The following DGKB variants were observed in gnomAD, a reference collection of about 807,000 sequenced individuals.
DGKB encodes 90 kDa diacylglycerol kinase.
A neutral mutation model predicts 114.3 loss-of-function variants in DGKB; 67 were observed. The ratio of observed to expected loss-of-function variants is 0.59; its 90% CI spans 0.48 to 0.72. The LOEUF (loss-of-function observed/expected upper bound fraction) is 0.72, where lower values mean the gene tolerates loss of function less well. Among genes scored for constraint, DGKB ranks in the 30% least tolerant of loss-of-function variants. DGKB has a pLI of 0.00. For synonymous variants in DGKB, 398 were observed against 323.1 expected, an observed-to-expected ratio of 1.23 and a Z score of -2.49; for missense variants, 907 against 975.2, an observed-to-expected ratio of 0.93 and a Z score of 0.93.
Position 14,222,958 on chromosome 7 carries a change from T to G in DGKB, c.2123-44807A>C, listed in dbSNP as rs369986835. The stretch of plus-strand genomic sequence containing the variant: ...CTCTATCAGTATAACCACTCCAACT[T>G]TCTTGTGATTGCTGTTTGCATGATC... On this transcript the variant is annotated intron_variant, in intron 23 of 25. Coordinates refer to ENST00000402815, the MANE Select transcript of DGKB (RefSeq NM_001350709.2). Among the ~76,000 whole-genome samples the G allele has an allele frequency of 1.5e-3, 224 of 151,830 alleles. 1 individual carries two copies. The highest frequency in any genetic ancestry group is 5.2e-3 in the African/African-American group (216 of 41,536).
intron 17 of DGKB, among the ~76,000 whole-genome samples, chr7:14,605,996 C>G (rs1192487858): frequency 6.6e-6 from 1 of 152,074 alleles, no homozygotes; most frequent in Admixed American, 6.6e-5. Flanking sequence ...GCCAATTGAC[C>G]TCTTGTTTAA....
intron 13 of DGKB, among the ~76,000 whole-genome samples, chr7:14,666,655 A>T (rs1487001554): frequency 1.3e-5 from 2 of 151,896 alleles, no homozygotes; most frequent in Non-Finnish European, 2.9e-5. Context: ...TTCATCCTAC[A>T]TTTTTTTGGA....
At chr7:14,970,151 AT>A (rs1487949227) in intron 1 of DGKB, among the ~76,000 whole-genome samples, 1 of 152,190 alleles carries the variant, frequency 6.6e-6, no homozygotes, top group Non-Finnish European at 1.5e-5. Flanking sequence ...TCAATCATTC[AT>A]TATTTCATTT....
chr7:14,696,227 C>T (rs972277604), intron 8 of DGKB, among the ~76,000 whole-genome samples: 14 of 152,106 alleles, frequency 9.2e-5, no homozygotes, highest in African/African-American at 3.4e-4. Flanking sequence ...GGCGCGGTGG[C>T]TCACGCCTGT....
chr7:14,293,002 A>C (rs1801997331), intron 23 of DGKB, among the ~76,000 whole-genome samples: 1 of 152,182 alleles, frequency 6.6e-6, no homozygotes, highest in Admixed American at 6.6e-5. Context: ...TACTGCCTGT[A>C]AATCATTCTT....
At chr7:14,900,668 CA>C (rs796327969) in intron 1 of DGKB, among the ~76,000 whole-genome samples, 20 of 152,206 alleles carry the variant, frequency 1.3e-4, no homozygotes, top group African/African-American at 4.8e-4. Context: ...ATTGTTAAAA[CA>C]ATTTAAATAA....
At chr7:14,316,464 C>T (rs1429017350) in intron 23 of DGKB, among the ~76,000 whole-genome samples, 46 of 131,016 alleles carry the variant, frequency 3.5e-4, no homozygotes, top group Non-Finnish European at 6.2e-4. Context: ...CACCACCGAT[C>T]CCACAGAAAT....
At chr7:14,376,603 C>T (rs1413357762) in intron 21 of DGKB, among the ~76,000 whole-genome samples, 1 of 152,224 alleles carries the variant, frequency 6.6e-6, no homozygotes, top group South Asian at 2.1e-4. Flanking sequence ...TTGAATGATT[C>T]ACAAATTAAT....
intron 2 of DGKB, among the ~76,000 whole-genome samples, chr7:14,791,020 G>A (rs963933050): frequency 1.6e-4 from 25 of 151,604 alleles, no homozygotes; most frequent in African/African-American, 5.6e-4. Context: ...TGTAAAGAAC[G>A]GGGTCTCACT....
chr7:14,622,159 T>C (rs1029750520), intron 14 of DGKB, among the ~76,000 whole-genome samples: 1 of 152,136 alleles, frequency 6.6e-6, no homozygotes, highest in African/African-American at 2.4e-5. Flanking sequence ...TAATGATCAG[T>C]CTTCATCTTC....
chr7:14,962,812 CTAATG>C lies in DGKB; in HGVS notation c.-188+11879_-188+11883del, dbSNP rs572067897. On this transcript the variant is annotated intron_variant, in intron 1 of 4. Coordinates refer to the DGKB transcript ENST00000437998. ...CATTAAACATACAATGTCACAGCTA[CTAATG>C]TATAAGCTATTATATGATTCAGGAT... 4.6e-4 allele frequency among the ~76,000 whole-genome samples: 70 copies of C among 152,184 alleles called. 1 individual carries two copies. The highest frequency in any genetic ancestry group is 3.7e-3 in the South Asian group (18 of 4,818).
intron 21 of DGKB, among the ~76,000 whole-genome samples, chr7:14,416,566 G>T (rs547543049): frequency 4.0e-4 from 61 of 152,094 alleles, no homozygotes; most frequent in African/African-American, 1.4e-3. Flanking sequence ...GGAGGTAATT[G>T]AATCATGGGG....
At chr7:14,496,143 T>G (rs1481157063) in intron 20 of DGKB, among the ~76,000 whole-genome samples, 1 of 151,850 alleles carries the variant, frequency 6.6e-6, no homozygotes. Context: ...GGAAGTAGCT[T>G]TTTCTTTTGC....
intron 1 of DGKB, among the ~76,000 whole-genome samples, chr7:14,845,587 G>T (rs1848527789): frequency 6.6e-6 from 1 of 152,110 alleles, no homozygotes; most frequent in South Asian, 2.1e-4. Flanking sequence ...TTTGTTCACT[G>T]CTGTTTTCCC....
At chr7:14,920,520 C>A (rs530316559) in intron 1 of DGKB, among the ~76,000 whole-genome samples, 1 of 152,124 alleles carries the variant, frequency 6.6e-6, no homozygotes, top group Non-Finnish European at 1.5e-5. Context: ...GGAAGTAGAA[C>A]AACCAGAACT....
chr7:14,262,931 G>T (rs1796980490), intron 23 of DGKB, among the ~76,000 whole-genome samples: 1 of 151,820 alleles, frequency 6.6e-6, no homozygotes, highest in African/African-American at 2.4e-5. Context: ...GGTAGCTTGG[G>T]CCACAATTCT....
intron 3 of DGKB, among the ~76,000 whole-genome samples, chr7:14,755,575 C>T (rs1369414660): frequency 1.3e-5 from 2 of 152,048 alleles, no homozygotes; most frequent in African/African-American, 4.8e-5. Flanking sequence ...ACTTGACCAG[C>T]CAATGCAGAG....
chr7:14,816,509 T>G (rs1215935725), intron 2 of DGKB: 1 of 152,354 alleles, frequency 6.6e-6, no homozygotes, highest in African/African-American at 2.4e-5. Flanking sequence ...GGCAAAAGGA[T>G]TTGCGGCTCC....
chr7:14,166,915 C>G (rs567605067), intron 25 of DGKB, among the ~76,000 whole-genome samples: 1 of 151,954 alleles, frequency 6.6e-6, no homozygotes, highest in African/African-American at 2.4e-5. Flanking sequence ...GAAAAATATT[C>G]GTTAATCAGG....
Sources: gnomAD v4.1 joint callset for allele counts (sites outside exome capture counted in the v4.1 genomes callset) on GRCh38, gnomAD v4.1.1 for gene constraint, MANE v1.5 for transcripts, NCBI Gene and HGNC (gene_info 2026-07-23, HGNC 2026-07-21) for gene names.